The following RSRC1 variants were observed in gnomAD, a reference collection of about 807,000 sequenced individuals.
RSRC1 encodes arginine and serine rich coiled-coil 1.
RSRC1 carries 39 observed loss-of-function variants against 49.1 expected under a neutral mutation model. The observed-to-expected ratio is 0.79, with a 90% CI of 0.61 to 1.04. The LOEUF is 1.04. RSRC1 is among the 50% of genes least tolerant of loss of function. The pLI is 0.00. For synonymous variants in RSRC1, 143 were observed against 130.8 expected (o/e 1.09, Z -0.63); for missense variants, 388 against 402.4 (o/e 0.96, Z 0.31).
intron 3 of RSRC1, among the ~76,000 whole-genome samples, chr3:158,202,747 GAA>G (rs1721130838): frequency 2.0e-5 from 3 of 151,476 alleles, no homozygotes; most frequent in African/African-American, 7.3e-5. Flanking sequence ...AGATTGTAGA[GAA>G]AAGGAAAGCC....
At chr3:158,481,257 C>T (rs1738604515) in intron 7 of RSRC1, among the ~76,000 whole-genome samples, 1 of 152,100 alleles carries the variant, frequency 6.6e-6, no homozygotes, top group Admixed American at 6.6e-5. Context: ...GTGCCCATCA[C>T]TTCCTAATCC....
chr3:158,238,902 A>G (rs1342818455), intron 4 of RSRC1, among the ~76,000 whole-genome samples: 2 of 152,244 alleles, frequency 1.3e-5, no homozygotes, highest in Non-Finnish European at 2.9e-5. Context: ...CTGCACAGCA[A>G]AAGAAACTAC....
chr3:158,325,558 T>A (rs996678272), intron 5 of RSRC1, among the ~76,000 whole-genome samples: 9 of 152,228 alleles, frequency 5.9e-5, no homozygotes, highest in African/African-American at 2.2e-4. Context: ...GTATTATTTC[T>A]GAGGGCTCTA....
chr3:158,157,328 C>A (rs1446817085), intron 3 of RSRC1, among the ~76,000 whole-genome samples: 1 of 152,144 alleles, frequency 6.6e-6, no homozygotes, highest in Non-Finnish European at 1.5e-5. Flanking sequence ...GGTTTAGAAT[C>A]ATTATTTCCT....
intron 3 of RSRC1, among the ~76,000 whole-genome samples, chr3:158,133,576 A>G (rs889094653): frequency 2.0e-5 from 3 of 152,226 alleles, no homozygotes; most frequent in Admixed American, 6.5e-5. Flanking sequence ...CCTTCTTGCA[A>G]TCTTTTTAAA....
At chr3:158,541,452 A>G (rs993490188) in intron 8 of RSRC1, among the ~76,000 whole-genome samples, 3 of 152,218 alleles carry the variant, frequency 2.0e-5, no homozygotes, top group Non-Finnish European at 2.9e-5. Context: ...GACAGGAACC[A>G]TATCTATTTG....
intron 8 of RSRC1, among the ~76,000 whole-genome samples, chr3:158,538,080 T>C (rs968169263): frequency 2.6e-5 from 4 of 151,844 alleles, no homozygotes; most frequent in Non-Finnish European, 5.9e-5. Context: ...CAAAGAGATA[T>C]CTGCCTCCCA....
intron 6 of RSRC1, among the ~76,000 whole-genome samples, chr3:158,393,357 A>AC (rs1733428094): frequency 6.6e-6 from 1 of 151,896 alleles, no homozygotes; most frequent in African/African-American, 2.4e-5. Flanking sequence ...CACACACACA[A>AC]AAAATCATAC....
intron 6 of RSRC1, among the ~76,000 whole-genome samples, chr3:158,412,024 A>G (rs1417986497): frequency 6.6e-6 from 1 of 152,142 alleles, no homozygotes; most frequent in South Asian, 2.1e-4. Flanking sequence ...TATCTTTGTT[A>G]TCTGCCATTT....
At chr3:158,404,864 T>TA (rs1310439654) in intron 6 of RSRC1, among the ~76,000 whole-genome samples, 5 of 151,996 alleles carry the variant, frequency 3.3e-5, no homozygotes, top group South Asian at 2.1e-4. Flanking sequence ...AATGAATACT[T>TA]ACCTTAAAAA....
At chr3:158,369,271 C>T (rs922821917) in intron 6 of RSRC1, among the ~76,000 whole-genome samples, 2 of 151,830 alleles carry the variant, frequency 1.3e-5, no homozygotes, top group Non-Finnish European at 2.9e-5. Context: ...ATAATTTTCT[C>T]TTTGTTGCTA....
chr3:158,152,072 T>C (rs891811031), intron 3 of RSRC1, among the ~76,000 whole-genome samples: 3 of 104,188 alleles, frequency 2.9e-5, no homozygotes, highest in Non-Finnish European at 5.6e-5. Flanking sequence ...TCATATCTTA[T>C]GGGCAAAATG....
In RSRC1 at chr3:158,511,720, C is replaced by G. The variant is rs575847883; in HGVS notation, c.653-25372C>G. On this transcript the variant is annotated intron_variant, in intron 7 of 9. Transcript: ENST00000611884. Reference sequence around the variant, plus strand: ...CACACTGACTTCCACCATGGTTGAACTAGTTTACAGTCCCACCAACAGTGT... The same window carrying G: ...CACACTGACTTCCACCATGGTTGAAGTAGTTTACAGTCCCACCAACAGTGT... Among the ~76,000 whole-genome samples the G allele has an allele frequency of 2.9e-4, 44 of 152,284 alleles. No individual in the cohort carries two copies. In the South Asian group the frequency reaches 8.9e-3, roughly 31 times the overall value.
intron 4 of RSRC1, among the ~76,000 whole-genome samples, chr3:158,272,902 T>C (rs1158895872): frequency 2.0e-5 from 3 of 152,050 alleles, no homozygotes; most frequent in Non-Finnish European, 4.4e-5. Flanking sequence ...CCAACTGTTA[T>C]AAATGTGTTT....
intron 1 of RSRC1, among the ~76,000 whole-genome samples, chr3:158,118,314 A>C (rs1714984825): frequency 1.3e-5 from 2 of 151,838 alleles, no homozygotes; most frequent in Non-Finnish European, 2.9e-5. Flanking sequence ...GCAGCGGTGC[A>C]GTCATATCTT....
intron 7 of RSRC1, among the ~76,000 whole-genome samples, chr3:158,498,919 A>G (rs1444842370): frequency 6.6e-6 from 1 of 152,096 alleles, no homozygotes; most frequent in Non-Finnish European, 1.5e-5. Context: ...ATTCTGTTCC[A>G]TTAGTCTATG....
At chr3:158,453,929 G>T (rs921891552) in intron 6 of RSRC1, among the ~76,000 whole-genome samples, 2 of 151,686 alleles carry the variant, frequency 1.3e-5, no homozygotes, top group African/African-American at 4.8e-5. Flanking sequence ...GTCTATTTTT[G>T]AGCAATTTGA....
chr3:158,507,965 C>T (rs910522698), intron 7 of RSRC1, among the ~76,000 whole-genome samples: 4 of 152,092 alleles, frequency 2.6e-5, no homozygotes, highest in African/African-American at 9.7e-5. Flanking sequence ...CCTAGCTACT[C>T]AGGAGGCTCA....
intron 6 of RSRC1, among the ~76,000 whole-genome samples, chr3:158,374,434 A>G (rs73170352): frequency 2.6e-5 from 4 of 151,936 alleles, no homozygotes; most frequent in African/African-American, 9.7e-5. Flanking sequence ...CTCACCTCCC[A>G]TTCATAAATT....
Sources: allele counts gnomAD v4.1 joint callset (sites outside exome capture counted in the v4.1 genomes callset), GRCh38; gene constraint gnomAD v4.1.1; transcripts MANE v1.5; gene names NCBI Gene and HGNC (gene_info 2026-07-23, HGNC 2026-07-21).